The following SPRY3 variants were observed in gnomAD, a reference collection of about 807,000 sequenced individuals.
SPRY3 encodes sprouty RTK signaling antagonist 3.
Under a neutral mutation model 20.2 loss-of-function variants are expected in SPRY3, and 15 were observed. The observed-to-expected ratio is 0.74, with a 90% CI of 0.50 to 1.14. SPRY3 has a LOEUF of 1.14. Among genes scored for constraint, SPRY3 ranks in the 50% most tolerant of loss-of-function variants. SPRY3 has a pLI of 0.00. For missense variants in SPRY3, 364 were observed against 363.9 expected, an observed-to-expected ratio of 1.00 and a Z score of 0.00; for synonymous variants, 143 against 136.5, an observed-to-expected ratio of 1.05 and a Z score of -0.33.
rs576218135 is a variant in SPRY3 at position 155,729,114 on chromosome X, G to T, written c.-281-38848G>T. ...AGAGAGAGACCCAAATACAATAATA[G>T]CTGGAGACTTCAACAGCCCACTTTT... On this transcript the variant is annotated intron_variant, in intron 2 of 3. Transcript: ENST00000675360. Among the ~76,000 whole-genome samples the T allele has an allele frequency of 1.2e-3, 185 of 152,204 alleles. No individual in the cohort carries two copies. In the South Asian group the frequency reaches 0.036, roughly 30 times the overall value.
exon 4 of SPRY3, chrX:155,775,611 G>A (rs1435480556): frequency 6.0e-6 from 1 of 167,104 alleles, no homozygotes; most frequent in Non-Finnish European, 1.5e-5. Context: ...ATGAGGCGAA[G>A]TTATCTTATA....
chrX:155,672,502 A>C (rs2068044199), intron 2 of SPRY3, among the ~76,000 whole-genome samples: 1 of 111,901 alleles, frequency 8.9e-6, no homozygotes, highest in Non-Finnish European at 1.9e-5. Context: ...ATGCAAATCA[A>C]AACCACAATG....
intron 2 of SPRY3, among the ~76,000 whole-genome samples, chrX:155,659,155 C>CT (rs782482696): frequency 1.1e-5 from 1 of 88,271 alleles, no homozygotes; most frequent in Non-Finnish European, 2.3e-5. Flanking sequence ...TTCTTTCTTT[C>CT]TTTTTTTGAG....
chrX:155,682,859 G>A (rs2068077727), intron 2 of SPRY3, among the ~76,000 whole-genome samples: 2 of 111,855 alleles, frequency 1.8e-5, no homozygotes, highest in South Asian at 3.7e-4. Flanking sequence ...GAATATTCAC[G>A]ATTCATGAGT....
intron 2 of SPRY3, among the ~76,000 whole-genome samples, chrX:155,723,671 T>C (rs2091077911): frequency 6.6e-6 from 1 of 152,312 alleles, no homozygotes; most frequent in African/African-American, 2.4e-5. Flanking sequence ...TCCTTGTAGA[T>C]TCTGGATATT....
At chrX:155,634,953 A>G (rs1199922366) in intron 1 of SPRY3, among the ~76,000 whole-genome samples, 2 of 109,220 alleles carry the variant, frequency 1.8e-5, no homozygotes, top group African/African-American at 6.7e-5. Flanking sequence ...TTTGTTACAT[A>G]GGTATACATG....
intron 2 of SPRY3, among the ~76,000 whole-genome samples, chrX:155,676,060 C>A (rs1362310682): frequency 9.0e-6 from 1 of 110,820 alleles, no homozygotes; most frequent in African/African-American, 3.3e-5. Context: ...CTGAAAATTT[C>A]TCTTATTTTT....
intron 2 of SPRY3, among the ~76,000 whole-genome samples, chrX:155,725,635 A>G (rs1458423041): frequency 2.6e-5 from 4 of 152,126 alleles, no homozygotes; most frequent in East Asian, 1.9e-4. Flanking sequence ...CTCTGATGGT[A>G]GTTTGTATTT....
intron 2 of SPRY3, among the ~76,000 whole-genome samples, chrX:155,717,964 T>C (rs2091033768): frequency 6.6e-6 from 1 of 152,168 alleles, no homozygotes. Flanking sequence ...CTTCTGTCAG[T>C]GAAACTTTGG....
chrX:155,775,396 C>G (rs1456646968), exon 4 of SPRY3: 1 of 167,436 alleles, frequency 6.0e-6, no homozygotes, highest in African/African-American at 2.4e-5. Context: ...ATATTTGTCT[C>G]TCTCTACCTG....
intron 2 of SPRY3, among the ~76,000 whole-genome samples, chrX:155,762,254 G>A (rs145053108): frequency 0.014 from 2,078 of 152,238 alleles, 21 homozygotes; most frequent in Middle Eastern, 0.031. Flanking sequence ...GAAAATCACA[G>A]TAAACAGTAC....
At chrX:155,774,964 C>T (rs948754373) in exon 4 of SPRY3, 1 of 606,200 alleles carries the variant, frequency 1.6e-6, no homozygotes, top group East Asian at 2.8e-5. Flanking sequence ...CCTGCCAGCT[C>T]AGCCTTTATG....
chrX:155,723,676 G>T lies in SPRY3; in HGVS notation c.-281-44286G>T, dbSNP rs184269606. On this transcript the variant is annotated intron_variant, in intron 2 of 3. Transcript: ENST00000675360. ...TTGTTTAAGTTCCTTGTAGATTCTG[G>T]ATATTAGCCCTTTGTCAGATGGGTA... 1.0e-3 allele frequency among the ~76,000 whole-genome samples: 159 copies of T among 152,206 alleles called. 1 individual carries two copies. Among genetic ancestry groups the T allele is most frequent in the African/African-American group, 3.6e-3 (149 of 41,536 alleles).
intron 1 of SPRY3, among the ~76,000 whole-genome samples, chrX:155,617,027 T>C (rs2067856075): frequency 9.3e-6 from 1 of 107,297 alleles, no homozygotes; most frequent in African/African-American, 3.4e-5. Context: ...ATGACAAAAA[T>C]TTCATACTTT....
At position 155,774,608 on chromosome X, in the gene SPRY3, A is replaced by C. The variant is rs755300370; in HGVS notation, c.737A>C (p.His246Pro). 7.4e-6 allele frequency: 12 copies of C among 1,613,814 alleles called. No homozygotes were observed. In the Admixed American group the frequency reaches 1.8e-4, roughly 25 times the overall value. Residue 246 changes from histidine (H) to proline (P), a missense_variant, in exon 4 of 4, where the codon CAT becomes CCT. Coordinates refer to ENST00000675360, the Ensembl canonical transcript of SPRY3. ...TACCTGCCTACCCGTGGATGCCTCC[A>C]TCTGTGCCAACAGGGCTATGATAGC...
chrX:155,684,915 A>C (rs901160972), intron 2 of SPRY3, among the ~76,000 whole-genome samples: 1 of 111,784 alleles, frequency 8.9e-6, no homozygotes, highest in Admixed American at 9.5e-5. Flanking sequence ...TCATTTTGGT[A>C]CTTGAAAAAT....
At chrX:155,738,884 C>T (rs1346562288) in intron 2 of SPRY3, among the ~76,000 whole-genome samples, 2 of 152,186 alleles carry the variant, frequency 1.3e-5, no homozygotes, top group Admixed American at 1.3e-4. Flanking sequence ...GTACATTCCC[C>T]TAGGAAGGGG....
chrX:155,722,171 C>A (rs1276653425), intron 2 of SPRY3, among the ~76,000 whole-genome samples: 4 of 152,080 alleles, frequency 2.6e-5, no homozygotes, highest in African/African-American at 9.7e-5. Flanking sequence ...GGGTTATAAG[C>A]TAGTATTTAC....
chrX:155,625,250 G>T (rs1557349837), intron 1 of SPRY3, among the ~76,000 whole-genome samples: 1 of 111,379 alleles, frequency 9.0e-6, no homozygotes, highest in Non-Finnish European at 1.9e-5. Flanking sequence ...TAGAGAGAAT[G>T]ATACACTGAT....
Sources: allele counts gnomAD v4.1 joint callset (sites outside exome capture counted in the v4.1 genomes callset), GRCh38; gene constraint gnomAD v4.1.1; transcripts MANE v1.5; gene names NCBI Gene and HGNC (gene_info 2026-07-23, HGNC 2026-07-21).